The following TENM3 variants were observed in gnomAD, a reference collection of about 807,000 sequenced individuals.
The protein encoded by TENM3 is teneurin-3.
Under a neutral mutation model 255.1 loss-of-function variants are expected in TENM3, and 63 were observed. The ratio of observed to expected loss-of-function variants is 0.25; its 90% CI spans 0.20 to 0.30. The LOEUF is 0.30. Ranked by LOEUF, TENM3 falls within the 10% of genes least tolerant of loss-of-function variation. TENM3 has a pLI of 1.00. For missense variants in TENM3, 2,929 were observed against 3,461.1 expected, an observed-to-expected ratio of 0.85 and a Z score of 3.86; for synonymous variants, 1,306 against 1,322.3, an observed-to-expected ratio of 0.99 and a Z score of 0.27.
At chr4:182,690,652 A>C (rs1301810057) in intron 12 of TENM3, among the ~76,000 whole-genome samples, 1 of 152,170 alleles carries the variant, frequency 6.6e-6, no homozygotes, top group Non-Finnish European at 1.5e-5. Flanking sequence ...GTGTGCCAAA[A>C]AGTTATCCAT....
chr4:182,271,964 C>A lies in TENM3; in HGVS notation c.-76+28488C>A, dbSNP rs908085431. On this transcript the variant is annotated intron_variant, in intron 1 of 27. Transcript: ENST00000511685. ...TGAACAGGCGGCAGCTCTGCCCTTG[C>A]GCAGTCCTCGTGACCGTTCGGCCAG... is the stretch of plus-strand genomic sequence containing the variant. Among the ~76,000 whole-genome samples, 4 of 152,174 alleles carry A rather than the reference C, an allele frequency of 2.6e-5. No individual in the cohort carries two copies. The East Asian group carries it at 7.7e-4, about 29-fold the overall frequency.
chr4:182,468,192 A>G (rs900550817), intron 3 of TENM3, among the ~76,000 whole-genome samples: 2 of 152,158 alleles, frequency 1.3e-5, no homozygotes, highest in Non-Finnish European at 2.9e-5. Flanking sequence ...TTTGAGACCA[A>G]CCTGGGTAAT....
chr4:182,558,936 G>C (rs1742846179), intron 3 of TENM3, among the ~76,000 whole-genome samples: 1 of 152,080 alleles, frequency 6.6e-6, no homozygotes, highest in Non-Finnish European at 1.5e-5. Context: ...AAATGCCCAT[G>C]CTGATCCACC....
intron 19 of TENM3, chr4:182,744,181 A>G: frequency 1.1e-6 from 1 of 946,582 alleles, no homozygotes; most frequent in South Asian, 3.5e-5. Flanking sequence ...TCTTACCTTA[A>G]GGTTATTGTA....
chr4:181,597,807 G>T, the TENM3 span, among the ~76,000 whole-genome samples: 1 of 152,074 alleles, frequency 6.6e-6, no homozygotes, highest in Non-Finnish European at 1.5e-5. Context: ...CAGCTCCAGA[G>T]TTGCCATAGA....
At chr4:181,838,132 C>CCAT in the TENM3 span, among the ~76,000 whole-genome samples, 1 of 66,544 alleles carries the variant, frequency 1.5e-5, no homozygotes, top group Non-Finnish European at 3.4e-5. Context: ...GAGCAAGACT[C>CCAT]CATCTCAAAA....
the TENM3 span, among the ~76,000 whole-genome samples, chr4:181,577,490 G>A: frequency 6.6e-6 from 1 of 151,856 alleles, no homozygotes; most frequent in African/African-American, 2.4e-5. Context: ...CTCAAAGGGG[G>A]CATTTCTGCT....
the TENM3 span, among the ~76,000 whole-genome samples, chr4:181,734,514 C>CAT: frequency 6.6e-6 from 1 of 151,934 alleles, no homozygotes; most frequent in Non-Finnish European, 1.5e-5. Flanking sequence ...CATATATATG[C>CAT]ATATATACAC....
At chr4:181,888,514 A>ATATATACACATATATG in the TENM3 span, among the ~76,000 whole-genome samples, 1 of 27,654 alleles carries the variant, frequency 3.6e-5, no homozygotes, top group Non-Finnish European at 7.1e-5. Flanking sequence ...ATATATATAT[A>ATATATACACATATATG]TGTATATATA....
At chr4:182,424,350 T>C (rs1208489981) in intron 3 of TENM3, among the ~76,000 whole-genome samples, 3 of 152,188 alleles carry the variant, frequency 2.0e-5, no homozygotes, top group Non-Finnish European at 4.4e-5. Flanking sequence ...AATTTGCATT[T>C]TGATCTTTCC....
At chr4:182,193,854 A>T (rs981883001) in intron 1 of TENM3, among the ~76,000 whole-genome samples, 2 of 152,176 alleles carry the variant, frequency 1.3e-5, no homozygotes, top group Admixed American at 6.5e-5. Context: ...GAAATTTTTT[A>T]AAAAAGAAAT....
the TENM3 span, among the ~76,000 whole-genome samples, chr4:182,122,526 C>T: frequency 6.6e-6 from 1 of 152,194 alleles, no homozygotes; most frequent in East Asian, 1.9e-4. Flanking sequence ...GGTATGTTAT[C>T]AGTGAACAGT....
the TENM3 span, among the ~76,000 whole-genome samples, chr4:181,942,359 C>T: frequency 1.3e-4 from 19 of 149,878 alleles, no homozygotes; most frequent in African/African-American, 4.2e-4. Context: ...TTTGTGCAGC[C>T]GGTGGTGATA....
chr4:181,639,502 G>A, the TENM3 span, among the ~76,000 whole-genome samples: 1 of 152,152 alleles, frequency 6.6e-6, no homozygotes, highest in Non-Finnish European at 1.5e-5. Flanking sequence ...CACTTTGGGA[G>A]GCCGAGGCGG....
At chr4:182,011,084 A>G in the TENM3 span, among the ~76,000 whole-genome samples, 1 of 152,240 alleles carries the variant, frequency 6.6e-6, no homozygotes, top group Non-Finnish European at 1.5e-5. Context: ...CAGTGGCTAC[A>G]GTTACTAACT....
chr4:181,709,990 CT>C, the TENM3 span, among the ~76,000 whole-genome samples: 18 of 152,136 alleles, frequency 1.2e-4, no homozygotes, highest in Non-Finnish European at 2.4e-4. Flanking sequence ...GTAATTTACT[CT>C]GGACACATTA....
the TENM3 span, among the ~76,000 whole-genome samples, chr4:181,851,629 T>C: frequency 6.6e-6 from 1 of 151,812 alleles, no homozygotes; most frequent in Non-Finnish European, 1.5e-5. Flanking sequence ...CGCACACGCA[T>C]GCACACATGC....
the TENM3 span, among the ~76,000 whole-genome samples, chr4:182,071,367 C>T: frequency 6.6e-6 from 1 of 152,222 alleles, no homozygotes; most frequent in Non-Finnish European, 1.5e-5. Context: ...ATTTTTCTTG[C>T]AGATTCAAAG....
At chr4:181,893,669 G>A in the TENM3 span, among the ~76,000 whole-genome samples, 7 of 151,944 alleles carry the variant, frequency 4.6e-5, no homozygotes, top group South Asian at 2.1e-4. Flanking sequence ...AAATGTTCTC[G>A]TGAATATGCA....
Sources: gnomAD v4.1 joint callset for allele counts (sites outside exome capture counted in the v4.1 genomes callset) on GRCh38, gnomAD v4.1.1 for gene constraint, MANE v1.5 for transcripts, NCBI Gene and HGNC (gene_info 2026-07-23, HGNC 2026-07-21) for gene names.